FOCAD: variants seen among roughly 807,000 people sequenced by gnomAD.
FOCAD encodes the protein KIAA1797.
A neutral mutation model predicts 225.6 loss-of-function variants in FOCAD; 198 were observed. The ratio of observed to expected loss-of-function variants is 0.88; its 90% CI spans 0.78 to 0.99. The LOEUF is 0.99. Among genes scored for constraint, FOCAD ranks in the 50% least tolerant of loss-of-function variants. FOCAD has a pLI of 0.00. For missense variants in FOCAD, 2,713 were observed against 2,123.6 expected, an observed-to-expected ratio of 1.28 and a Z score of -5.46; for synonymous variants, 897 against 755.0, an observed-to-expected ratio of 1.19 and a Z score of -3.08.
At chr9:20,659,440 A>AAGAAAGAAAGAAAGAAAGAAAGAC (rs71334544) in intron 2 of FOCAD, among the ~76,000 whole-genome samples, 20,313 of 144,646 alleles carry the variant, frequency 0.14, 1,655 homozygotes, top group East Asian at 0.17. Flanking sequence ...GAAAGAAAGA[A>AAGAAAGAAAGAAAGAAAGAAAGAC]AGACAGACAG....
At chr9:20,709,460 G>C (rs1479828869) in intron 1 of FOCAD, among the ~76,000 whole-genome samples, 3 of 144,224 alleles carry the variant, frequency 2.1e-5, no homozygotes, top group Non-Finnish European at 4.5e-5. Flanking sequence ...AAATAACGTA[G>C]ACTGCTCTCC....
At chr9:20,673,076 A>T (rs1822123545) in intron 2 of FOCAD, among the ~76,000 whole-genome samples, 1 of 152,244 alleles carries the variant, frequency 6.6e-6, no homozygotes, top group South Asian at 2.1e-4. Flanking sequence ...GAATGTCTGA[A>T]AACCACTCCA....
intron 37 of FOCAD, among the ~76,000 whole-genome samples, chr9:20,980,321 A>C (rs887414643): frequency 6.6e-6 from 1 of 152,168 alleles, no homozygotes; most frequent in Non-Finnish European, 1.5e-5. Flanking sequence ...AGCTCTATCT[A>C]TCTGAGTTCA....
intron 19 of FOCAD, among the ~76,000 whole-genome samples, chr9:20,876,804 G>A (rs1018162958): frequency 4.6e-5 from 7 of 152,138 alleles, no homozygotes; most frequent in Non-Finnish European, 7.4e-5. Flanking sequence ...ATATATATTA[G>A]TCACCAAATG....
rs560959515 is a variant in FOCAD, at chr9:20,914,692, T to C, written c.2807+1738T>C. ...CATGAGAGTAGAGAAGTTCGGGAGA[T>C]TGCAGGGTGGAGAGTCTTTGTCAGC... is the stretch of plus-strand genomic sequence containing the variant. On this transcript the variant is annotated intron_variant, in intron 23 of 43. Coordinates refer to ENST00000338382, the MANE Select transcript of FOCAD (RefSeq NM_001375567.1). Among the ~76,000 whole-genome samples the C allele has an allele frequency of 3.3e-5, 5 of 152,168 alleles. No homozygotes were observed. In the East Asian group the frequency reaches 9.7e-4, roughly 30 times the overall value.
chr9:20,871,061 G>A (rs1340039724), intron 18 of FOCAD, among the ~76,000 whole-genome samples: 1 of 151,970 alleles, frequency 6.6e-6, no homozygotes, highest in African/African-American at 2.4e-5. Flanking sequence ...GAACTAGCCG[G>A]GAGTGGTGGT....
chr9:20,772,738 A>C (rs1375136502), intron 8 of FOCAD, among the ~76,000 whole-genome samples: 1 of 151,900 alleles, frequency 6.6e-6, no homozygotes, highest in Non-Finnish European at 1.5e-5. Context: ...TGAGAGAGTA[A>C]ATGTAGATTT....
intron 2 of FOCAD, among the ~76,000 whole-genome samples, chr9:20,670,326 G>A (rs947720058): frequency 1.3e-5 from 2 of 152,186 alleles, no homozygotes; most frequent in African/African-American, 4.8e-5. Flanking sequence ...AATATCATTA[G>A]TATCTCTTGA....
At chr9:20,762,181 T>C (rs903154882) in intron 6 of FOCAD, among the ~76,000 whole-genome samples, 2 of 152,200 alleles carry the variant, frequency 1.3e-5, no homozygotes, top group African/African-American at 4.8e-5. Flanking sequence ...CTTTGGGGAA[T>C]ACATTATTAA....
chr9:20,754,716 G>A (rs542656951), intron 5 of FOCAD, among the ~76,000 whole-genome samples: 49 of 152,178 alleles, frequency 3.2e-4, no homozygotes, highest in African/African-American at 1.2e-3. Flanking sequence ...ATGACTAGGA[G>A]AAATCCTACT....
chr9:20,778,269 G>C (rs1279734540), intron 8 of FOCAD, among the ~76,000 whole-genome samples: 2 of 151,760 alleles, frequency 1.3e-5, no homozygotes, highest in Non-Finnish European at 2.9e-5. Flanking sequence ...TTTTGAGATG[G>C]AATCTCGCTC....
At chr9:20,831,568 A>G (rs1211682438) in intron 15 of FOCAD, among the ~76,000 whole-genome samples, 2 of 152,084 alleles carry the variant, frequency 1.3e-5, no homozygotes, top group Non-Finnish European at 2.9e-5. Context: ...CGGGGGAGAG[A>G]TAGAAGACAC....
At chr9:20,692,934 T>A (rs1023861998) in intron 1 of FOCAD, among the ~76,000 whole-genome samples, 16 of 152,170 alleles carry the variant, frequency 1.1e-4, no homozygotes, top group Non-Finnish European at 4.4e-5. Flanking sequence ...TGGAGGCCAT[T>A]TTTTGCAAAC....
chr9:20,733,668 C>A (rs1245584603), intron 4 of FOCAD, among the ~76,000 whole-genome samples: 1 of 151,996 alleles, frequency 6.6e-6, no homozygotes, highest in African/African-American at 2.4e-5. Context: ...CATCCATGTC[C>A]CTAAAAAGGA....
intron 11 of FOCAD, among the ~76,000 whole-genome samples, chr9:20,815,124 TTTTTTTTTTTTTG>T (rs1197171356): frequency 3.5e-5 from 1 of 28,860 alleles, no homozygotes; most frequent in Non-Finnish European, 7.1e-5. Context: ...CTTCTCTTTG[TTTTTTTTTTTTTG>T]TTTTTTTTTT....
intron 28 of FOCAD, among the ~76,000 whole-genome samples, chr9:20,937,362 T>A (rs1424360147): frequency 6.6e-6 from 1 of 152,130 alleles, no homozygotes; most frequent in Non-Finnish European, 1.5e-5. Context: ...AACAGCATGG[T>A]ACTGGTACCA....
intron 21 of FOCAD, among the ~76,000 whole-genome samples, chr9:20,886,757 A>G (rs1382766686): frequency 2.0e-5 from 3 of 152,226 alleles, no homozygotes; most frequent in South Asian, 2.1e-4. Context: ...TCTGCTCAGT[A>G]TATGTAGTTC....
intron 21 of FOCAD, among the ~76,000 whole-genome samples, chr9:20,893,845 CA>C (rs1281454930): frequency 6.6e-6 from 1 of 152,034 alleles, no homozygotes; most frequent in East Asian, 1.9e-4. Flanking sequence ...ATATTTGTTA[CA>C]AATAATGAAC....
At chr9:20,899,362 A>G (rs988092308) in intron 21 of FOCAD, among the ~76,000 whole-genome samples, 1 of 151,842 alleles carries the variant, frequency 6.6e-6, no homozygotes, top group African/African-American at 2.4e-5. Context: ...TTCATCAGCT[A>G]TGATTCAGGT....
Sources: allele counts gnomAD v4.1 joint callset (sites outside exome capture counted in the v4.1 genomes callset), GRCh38; gene constraint gnomAD v4.1.1; transcripts MANE v1.5; gene names NCBI Gene and HGNC (gene_info 2026-07-23, HGNC 2026-07-21).